Variants in STXBP5L observed in about 807,000 individuals in gnomAD.
STXBP5L encodes syntaxin binding protein 5L, also known as syntaxin-binding protein 5-like.
In STXBP5L, 65 loss-of-function variants were observed where a neutral mutation model predicts 144.5. That is an observed-to-expected ratio of 0.45 (90% confidence interval 0.37 to 0.55). STXBP5L has a LOEUF of 0.55. Among genes scored for constraint, STXBP5L ranks in the 20% least tolerant of loss-of-function variants. The pLI, the probability that STXBP5L is intolerant of heterozygous loss-of-function variation, is 0.00. For synonymous variants in STXBP5L, 505 were observed against 469.6 expected, an observed-to-expected ratio of 1.08 and a Z score of -0.97; for missense variants, 1,298 against 1,405.5, an observed-to-expected ratio of 0.92 and a Z score of 1.22.
intron 3 of STXBP5L, among the ~76,000 whole-genome samples, chr3:120,956,894 C>A (rs146212711): frequency 1.3e-5 from 2 of 151,948 alleles, no homozygotes; most frequent in African/African-American, 4.8e-5. Flanking sequence ...TGTAAGAAAT[C>A]TTTACCAAAT....
intron 6 of STXBP5L, among the ~76,000 whole-genome samples, chr3:121,115,389 A>G (rs1481272500): frequency 2.0e-5 from 3 of 152,168 alleles, no homozygotes; most frequent in Non-Finnish European, 4.4e-5. Flanking sequence ...GAATTGTGTT[A>G]TGTAAAAATA....
chr3:120,978,332 C>A (rs544706714), intron 3 of STXBP5L, among the ~76,000 whole-genome samples: 1 of 152,196 alleles, frequency 6.6e-6, no homozygotes, highest in South Asian at 2.1e-4. Flanking sequence ...TCCAGTTGTT[C>A]GCATCAGCTC....
chr3:121,287,697 C>T (rs1056262283), intron 19 of STXBP5L, among the ~76,000 whole-genome samples: 2 of 151,908 alleles, frequency 1.3e-5, no homozygotes, highest in Non-Finnish European at 2.9e-5. Flanking sequence ...GGCGTGGTGG[C>T]GGGCTCCTGT....
intron 13 of STXBP5L, 135 bp from the exon 14 acceptor site, chr3:121,240,305 A>G (rs1280332302): frequency 2.8e-6 from 2 of 703,246 alleles, no homozygotes; most frequent in Non-Finnish European, 4.7e-6. Flanking sequence ...AAAGACAGCT[A>G]CACACTTCAT....
At chr3:121,145,701 A>G (rs577584744) in intron 7 of STXBP5L, among the ~76,000 whole-genome samples, 42 of 152,184 alleles carry the variant, frequency 2.8e-4, no homozygotes, top group African/African-American at 9.9e-4. Flanking sequence ...ATTGAGAATT[A>G]TGATACAAGT....
At chr3:121,004,664 T>C (rs1050129208) in intron 3 of STXBP5L, among the ~76,000 whole-genome samples, 1 of 152,156 alleles carries the variant, frequency 6.6e-6, no homozygotes, top group Admixed American at 6.6e-5. Context: ...TTTTGCCCAT[T>C]TGGTATGATA....
At chr3:121,280,629 A>G (rs948907280) in intron 19 of STXBP5L, among the ~76,000 whole-genome samples, 2 of 151,972 alleles carry the variant, frequency 1.3e-5, no homozygotes, top group Non-Finnish European at 2.9e-5. Flanking sequence ...AAATTTTAGT[A>G]TATATCCAAA....
At chr3:121,199,808 TAGCCTTGCA>T (rs2048067545) in intron 9 of STXBP5L, among the ~76,000 whole-genome samples, 1 of 152,092 alleles carries the variant, frequency 6.6e-6, no homozygotes, top group Non-Finnish European at 1.5e-5. Flanking sequence ...TATGTTGAGC[TAGCCTTGCA>T]TCCCAGGGGT....
At chr3:120,973,182 G>A (rs535466448) in intron 3 of STXBP5L, among the ~76,000 whole-genome samples, 3 of 152,164 alleles carry the variant, frequency 2.0e-5, no homozygotes. Context: ...TAATTCAGCT[G>A]TGAATTTGTC....
intron 19 of STXBP5L, among the ~76,000 whole-genome samples, chr3:121,299,031 C>T (rs1294011380): frequency 1.3e-5 from 2 of 152,108 alleles, no homozygotes; most frequent in Non-Finnish European, 2.9e-5. Flanking sequence ...ATCACCAACA[C>T]AACAGCATAT....
At chr3:121,273,982 G>T (rs1559926719) in intron 18 of STXBP5L, among the ~76,000 whole-genome samples, 1 of 151,928 alleles carries the variant, frequency 6.6e-6, no homozygotes, top group Non-Finnish European at 1.5e-5. Context: ...GTCTTGCTCA[G>T]CTTGAGCTTC....
At chr3:121,041,469 G>T (rs893192382) in intron 3 of STXBP5L, among the ~76,000 whole-genome samples, 1 of 151,928 alleles carries the variant, frequency 6.6e-6, no homozygotes, top group Non-Finnish European at 1.5e-5. Flanking sequence ...CATGGAAAAA[G>T]CTGCCATCTT....
rs189650472 is a variant in STXBP5L at position 121,405,620 on chromosome 3, T to C, written c.2588-1623T>C. Among the ~76,000 whole-genome samples, 587 of 152,244 alleles carry C rather than the reference T, an allele frequency of 3.9e-3. 14 individuals are homozygous for C. Among genetic ancestry groups the C allele is most frequent in the Admixed American group, 0.03 (458 of 15,278 alleles). On this transcript the variant is annotated intron_variant, in intron 22 of 26. Coordinates refer to ENST00000471454, the MANE Select transcript of STXBP5L (RefSeq NM_001308330.2). ...GTCCTAATTAATTAAGATCTTATTA[T>C]TGAAGCCCATAAGTTTAAGCATACT...
chr3:121,317,476 C>A (rs1324130542), intron 19 of STXBP5L, among the ~76,000 whole-genome samples: 2 of 152,084 alleles, frequency 1.3e-5, no homozygotes, highest in Non-Finnish European at 2.9e-5. Flanking sequence ...GGACCTACCA[C>A]AAGCTTATTG....
chr3:121,087,647 T>A (rs2042562030), intron 5 of STXBP5L, among the ~76,000 whole-genome samples: 1 of 152,068 alleles, frequency 6.6e-6, no homozygotes, highest in Non-Finnish European at 1.5e-5. Context: ...ATATTTTAAT[T>A]AATGTTTACA....
At chr3:121,147,409 C>T (rs2045757269) in intron 7 of STXBP5L, among the ~76,000 whole-genome samples, 1 of 151,984 alleles carries the variant, frequency 6.6e-6, no homozygotes, top group Non-Finnish European at 1.5e-5. Context: ...ATATTTTAAA[C>T]AAAATTGCAA....
intron 3 of STXBP5L, among the ~76,000 whole-genome samples, chr3:120,988,765 A>G (rs1942547015): frequency 6.6e-6 from 1 of 152,100 alleles, no homozygotes; most frequent in Non-Finnish European, 1.5e-5. Context: ...AGCCATCACA[A>G]ATAGTGTCCA....
intron 18 of STXBP5L, among the ~76,000 whole-genome samples, chr3:121,260,590 T>G (rs891876931): frequency 6.6e-6 from 1 of 152,136 alleles, no homozygotes. Flanking sequence ...AAGTATAAGA[T>G]ATGAAGTAAG....
chr3:121,137,458 C>T (rs1378984418), intron 7 of STXBP5L, among the ~76,000 whole-genome samples: 2 of 151,906 alleles, frequency 1.3e-5, no homozygotes, highest in African/African-American at 4.8e-5. Flanking sequence ...ACCTGGATAC[C>T]AAAACCAGGT....
Sources: allele counts gnomAD v4.1 joint callset (sites outside exome capture counted in the v4.1 genomes callset), GRCh38; gene constraint gnomAD v4.1.1; transcripts MANE v1.5; gene names NCBI Gene and HGNC (gene_info 2026-07-23, HGNC 2026-07-21).